CLVS1: variants seen among roughly 807,000 people sequenced by gnomAD.
CLVS1 encodes clavesin 1.
In CLVS1, 10 loss-of-function variants were observed where a neutral mutation model predicts 33.1. The observed-to-expected ratio is 0.30, with a 90% confidence interval of 0.19 to 0.51. CLVS1 has a LOEUF of 0.51. CLVS1 is among the 20% of genes least tolerant of loss of function. The pLI is 0.97. For missense variants in CLVS1, 343 were observed against 433.4 expected (o/e 0.79, Z 1.85); for synonymous variants, 163 against 166.1 (o/e 0.98, Z 0.14).
At chr8:61,423,920 TAATTTAGAA>T (rs145366256) in intron 3 of CLVS1, among the ~76,000 whole-genome samples, 1,609 of 152,346 alleles carry the variant, frequency 0.011, 33 homozygotes, top group African/African-American at 0.037. Context: ...CAAAGGTATG[TAATTTAGAA>T]ATAGTAATTT....
chr8:60,973,284 C>A, the CLVS1 span, among the ~76,000 whole-genome samples: 1 of 152,186 alleles, frequency 6.6e-6, no homozygotes, highest in Admixed American at 6.5e-5. Flanking sequence ...TTGTTTTCTC[C>A]TTATACAAAA....
At chr8:61,163,265 T>C (rs962859946) in intron 2 of CLVS1, among the ~76,000 whole-genome samples, 1 of 152,206 alleles carries the variant, frequency 6.6e-6, no homozygotes, top group African/African-American at 2.4e-5. Flanking sequence ...TTGGGTATCA[T>C]GGGAGCTGCC....
chr8:61,241,480 A>C (rs1454069162), intron 2 of CLVS1, among the ~76,000 whole-genome samples: 1 of 152,162 alleles, frequency 6.6e-6, no homozygotes, highest in Admixed American at 6.5e-5. Flanking sequence ...CCAATATATA[A>C]TCTTAACTTT....
Position 61,096,174 on chromosome 8 carries a change from C to T in CLVS1, c.-242-35596C>T, listed in dbSNP as rs79178175. ...TATTAAAATTTTAATTGATTATGCT[C>T]GATGTTCTGAAAATTGAAACAGCTC... On this transcript the variant is annotated intron_variant, in intron 1 of 2. Transcript: ENST00000522621. Among the ~76,000 whole-genome samples, 960 of 152,232 alleles carry T rather than the reference C, an allele frequency of 6.3e-3. 11 individuals carry two copies. The highest frequency in any genetic ancestry group is 0.021 in the African/African-American group (872 of 41,518).
chr8:61,499,614 A>C lies in CLVS1; in HGVS notation c.*72A>C. ...CAGCCACCCAGGAAGCACATGCACA[A>C]CTGACCCATGCAGACACGTGTGTTC... On this transcript the variant is annotated 3_prime_UTR_variant, in exon 6 of 6. Coordinates refer to ENST00000325897, the MANE Select transcript of CLVS1 (RefSeq NM_173519.3). 9.2e-7 allele frequency: 1 copy of C among 1,092,570 alleles called. No individual in the cohort carries two copies. Among genetic ancestry groups the C allele is most frequent in the African/African-American group, 1.5e-5 (1 of 64,762 alleles). 67.7% of individuals were successfully genotyped at this position (1,092,570 alleles called of 1,614,324 possible).
chr8:61,468,735 A>AAAAAAAAAAAAAAG (rs1217287345), intron 5 of CLVS1, among the ~76,000 whole-genome samples: 18 of 138,738 alleles, frequency 1.3e-4, no homozygotes, highest in African/African-American at 4.9e-4. Flanking sequence ...AAAAAAAAAA[A>AAAAAAAAAAAAAAG]AAAAGGTAGT....
intron 2 of CLVS1, among the ~76,000 whole-genome samples, chr8:61,255,553 A>G (rs543737974): frequency 1.3e-5 from 2 of 152,204 alleles, no homozygotes; most frequent in Non-Finnish European, 2.9e-5. Flanking sequence ...AATTTCAGCC[A>G]TCAATAAGTG....
the CLVS1 span, among the ~76,000 whole-genome samples, chr8:61,048,749 T>C: frequency 6.6e-6 from 1 of 152,132 alleles, no homozygotes; most frequent in Non-Finnish European, 1.5e-5. Flanking sequence ...CCTCCCACCA[T>C]GGACCAGGAC....
intron 1 of CLVS1, chr8:61,292,073 T>A: frequency 3.6e-6 from 1 of 277,592 alleles, no homozygotes; most frequent in Non-Finnish European, 7.3e-6. Context: ...CTGCTGCCAC[T>A]GCTGATGCAT....
intron 2 of CLVS1, among the ~76,000 whole-genome samples, chr8:61,221,225 A>G (rs1256456386): frequency 6.6e-6 from 1 of 152,182 alleles, no homozygotes; most frequent in Non-Finnish European, 1.5e-5. Context: ...TCTATGTTGA[A>G]CAGGAGTGGT....
At chr8:61,263,657 C>T (rs1046577264) in intron 2 of CLVS1, among the ~76,000 whole-genome samples, 3 of 152,104 alleles carry the variant, frequency 2.0e-5, no homozygotes, top group Non-Finnish European at 4.4e-5. Flanking sequence ...ATGCAGCATA[C>T]TAGGTGTCCT....
intron 2 of CLVS1, among the ~76,000 whole-genome samples, chr8:61,273,366 G>A (rs1431731629): frequency 5.9e-5 from 9 of 152,162 alleles, no homozygotes; most frequent in Non-Finnish European, 1.0e-4. Context: ...CTCCAGCTGC[G>A]TGCTGGGAGA....
chr8:61,259,444 A>G (rs989898300), intron 2 of CLVS1, among the ~76,000 whole-genome samples: 28 of 152,320 alleles, frequency 1.8e-4, no homozygotes, highest in Middle Eastern at 3.4e-3. Context: ...TGTCCAGTCA[A>G]TGCTATTTAG....
At chr8:61,259,489 G>A (rs1295896842) in intron 2 of CLVS1, among the ~76,000 whole-genome samples, 1 of 152,172 alleles carries the variant, frequency 6.6e-6, no homozygotes, top group Non-Finnish European at 1.5e-5. Flanking sequence ...TCCTTGCTGG[G>A]AAATTATTGC....
At chr8:61,427,464 G>T (rs1195305672) in intron 3 of CLVS1, among the ~76,000 whole-genome samples, 1 of 152,178 alleles carries the variant, frequency 6.6e-6, no homozygotes, top group Non-Finnish European at 1.5e-5. Context: ...GAGAGGATGG[G>T]GAGGGGAAAC....
At chr8:61,382,051 T>C (rs1347256227) in intron 3 of CLVS1, among the ~76,000 whole-genome samples, 2 of 152,210 alleles carry the variant, frequency 1.3e-5, no homozygotes, top group African/African-American at 2.4e-5. Context: ...CTCTCTGGCT[T>C]CCTTCCCACA....
At chr8:61,320,000 T>C (rs1206784665) in intron 2 of CLVS1, among the ~76,000 whole-genome samples, 1 of 152,174 alleles carries the variant, frequency 6.6e-6, no homozygotes, top group East Asian at 1.9e-4. Context: ...TGTAACTGCA[T>C]TTTTATCAAT....
chr8:61,330,686 C>T (rs952764551), intron 2 of CLVS1, among the ~76,000 whole-genome samples: 3 of 152,144 alleles, frequency 2.0e-5, no homozygotes, highest in African/African-American at 4.8e-5. Flanking sequence ...TCATCTTTTT[C>T]GGAATCCCTT....
rs925220338 is a variant in CLVS1 at position 61,074,362 on chromosome 8, A to G, written c.-243+17132A>G. ...CAAATTTAAATATGTGTGTGTGTGTATATATATATATATAAGTATATGTGT... is the reference window on the plus strand; with the variant it reads ...CAAATTTAAATATGTGTGTGTGTGTGTATATATATATATAAGTATATGTGT... On this transcript the variant is annotated intron_variant, in intron 1 of 2. Coordinates refer to the CLVS1 transcript ENST00000522621. 7.6e-4 allele frequency among the ~76,000 whole-genome samples: 76 copies of G among 99,872 alleles called. 2 individuals carry two copies. The highest frequency in any genetic ancestry group is 3.1e-3 in the South Asian group (9 of 2,896). The allele number at this position is 99,872 out of a possible 152,430, so 65.5% of individuals were successfully genotyped here. A position where few individuals can be genotyped will look rare whatever the true frequency, so the allele number is the denominator to read the frequency against.
Sources: gnomAD v4.1 joint callset for allele counts (sites outside exome capture counted in the v4.1 genomes callset) on GRCh38, gnomAD v4.1.1 for gene constraint, MANE v1.5 for transcripts, NCBI Gene and HGNC (gene_info 2026-07-23, HGNC 2026-07-21) for gene names.